Variants in RPTOR observed in about 807,000 individuals in gnomAD.
RPTOR encodes the protein regulatory-associated protein of mTOR.
In RPTOR, 21 loss-of-function variants were observed where a neutral mutation model predicts 169.9. The ratio of observed to expected loss-of-function variants is 0.12; its 90% confidence interval spans 0.09 to 0.18. The LOEUF (loss-of-function observed/expected upper bound fraction) is 0.18, where lower values mean the gene tolerates loss of function less well. Ranked by LOEUF, RPTOR falls within the 10% of genes least tolerant of loss-of-function variation. RPTOR has a pLI of 1.00. For synonymous variants in RPTOR, 732 were observed against 753.2 expected (o/e 0.97, Z 0.46); for missense variants, 1,133 against 1,855.9 (o/e 0.61, Z 7.16).
At chr17:80,941,606 C>G (rs1249802118) in intron 25 of RPTOR, among the ~76,000 whole-genome samples, 1 of 152,256 alleles carries the variant, frequency 6.6e-6, no homozygotes, top group East Asian at 1.9e-4. Context: ...CCAACCAAAT[C>G]AGCACCATCA....
At chr17:80,808,270 T>A (rs1008351392) in intron 7 of RPTOR, among the ~76,000 whole-genome samples, 19 of 151,676 alleles carry the variant, frequency 1.3e-4, no homozygotes, top group African/African-American at 4.6e-4. Context: ...ACAGAAAAAA[T>A]TAAAATCAGC....
intron 7 of RPTOR, among the ~76,000 whole-genome samples, chr17:80,798,838 G>T (rs190607665): frequency 6.6e-6 from 1 of 152,288 alleles, no homozygotes; most frequent in East Asian, 1.9e-4. Flanking sequence ...TGCATTATTG[G>T]CAGAGCTGTC....
Position 80,633,124 on chromosome 17 carries a change from C to T in RPTOR, c.265+7331C>T, listed in dbSNP as rs1375319226. On this transcript the variant is annotated intron_variant, in intron 2 of 33. Transcript: ENST00000306801. This position sits in a 1 kb window ranked among gnomAD's most constrained non-coding sequence, Gnocchi z 4.1. Reference sequence around the variant, plus strand: ...ATTTTTCATTTTGAAAAAAAAGTTCCAAAAGTTGCAAGTATAGTACTAAGC... The same window carrying T: ...ATTTTTCATTTTGAAAAAAAAGTTCTAAAAGTTGCAAGTATAGTACTAAGC... Among the ~76,000 whole-genome samples, 1 of 152,144 alleles carries T rather than the reference C, an allele frequency of 6.6e-6. No homozygotes were observed. Among genetic ancestry groups the T allele is most frequent in the African/African-American group, 2.4e-5 (1 of 41,410 alleles).
At chr17:80,627,164 C>G (rs1197229761) in intron 2 of RPTOR, among the ~76,000 whole-genome samples, 1 of 152,194 alleles carries the variant, frequency 6.6e-6, no homozygotes, top group Non-Finnish European at 1.5e-5. Flanking sequence ...GACTTATAGG[C>G]ACCTGCCACC....
At chr17:80,619,122 T>C (rs568213055) in intron 1 of RPTOR, among the ~76,000 whole-genome samples, 6 of 152,128 alleles carry the variant, frequency 3.9e-5, no homozygotes, top group Non-Finnish European at 8.8e-5. Flanking sequence ...TCCCGGGAAT[T>C]GGGTGGCTCT....
At chr17:80,787,045 C>T (rs570527622) in intron 6 of RPTOR, among the ~76,000 whole-genome samples, 15 of 152,316 alleles carry the variant, frequency 9.8e-5, no homozygotes, top group Admixed American at 5.9e-4. Context: ...CCACGCAGGG[C>T]GCCCTTGATG....
intron 1 of RPTOR, among the ~76,000 whole-genome samples, chr17:80,561,969 C>A (rs2084503850): frequency 6.6e-6 from 1 of 151,978 alleles, no homozygotes; most frequent in Admixed American, 6.6e-5. Context: ...TATGTGTGTA[C>A]ATGTTTATAC....
chr17:80,893,722 C>T lies in RPTOR; in HGVS notation c.2258C>T (p.Ala753Val), dbSNP rs770546124. ...SLTEESGGAV[A>V]FSPGNLSTSS... is the part of the protein sequence containing the mutation. ...TCTCGGGCAGCTGGTGGCGCGGTGG[C>T]GTTCTCCCCCGGAAACCTCAGCACC... is the stretch of plus-strand genomic sequence containing the variant. The change falls in exon 20 of 34, where the codon GCG (alanine) becomes GTG (valine). Residue 753 changes from alanine to valine, a missense_variant. Around this residue, in one of 9 missense-constraint regions of RPTOR, gnomAD observed 150 missense variants for 206.4 expected, o/e 0.73. Transcript: ENST00000306801. 12 of 1,609,228 alleles carry T rather than the reference C, an allele frequency of 7.5e-6. No individual in the cohort carries two copies. The highest frequency in any genetic ancestry group is 9.3e-6 in the Non-Finnish European group (11 of 1,177,668).
At chr17:80,883,667 G>T in intron 15 of RPTOR, 114 bp from the exon 16 acceptor site, 1 of 1,302,490 alleles carries the variant, frequency 7.7e-7, no homozygotes. Flanking sequence ...GGGGAAAATT[G>T]AGCAAATCAA....
Position 80,857,962 on chromosome 17 carries a change from G to C in RPTOR, c.1509+62G>C, listed in dbSNP as rs773345529. 3.8e-6 allele frequency: 5 copies of C among 1,304,802 alleles called. No individual in the cohort carries two copies. In the Admixed American group the frequency reaches 7.0e-5, roughly 18 times the overall value. The allele number at this position is 1,304,802 out of a possible 1,614,324, so 80.8% of individuals were successfully genotyped here. A position where few individuals can be genotyped will look rare whatever the true frequency, so the allele number is the denominator to read the frequency against. On this transcript the variant is annotated intron_variant, in intron 13 of 33. Transcript: ENST00000306801. ...ACCTGCCGGCCCTTCTGGGGATGCC[G>C]AGCCCTGCGTTTCCAGCCTGCCCTT... is the stretch of plus-strand genomic sequence containing the variant.
chr17:80,962,961 C>G lies in RPTOR; in HGVS notation c.3843C>G (p.Asn1281Lys). 4 of 1,613,738 alleles carry G rather than the reference C, an allele frequency of 2.5e-6. No individual in the cohort carries two copies. Among genetic ancestry groups the G allele is most frequent in the Non-Finnish European group, 3.4e-6 (4 of 1,179,962 alleles). Residue 1281 changes from asparagine (N) to lysine (K), a missense_variant, in exon 33 of 34, where the codon AAC becomes AAG. Physicochemically the swap from Asn to Lys is moderately conservative, Grantham distance 94 (BLOSUM62 0). Transcript: ENST00000306801. ...TCAATCAGTTCACCGCCATCTACAA[C>G]AGCAGCGGAGAGCTCATCAACAACA... is the stretch of plus-strand genomic sequence containing the variant. ...GSVNQFTAIY[N>K]SSGELINNIK...
chr17:80,595,625 T>G (rs2065139189), intron 1 of RPTOR, among the ~76,000 whole-genome samples: 2 of 152,182 alleles, frequency 1.3e-5, no homozygotes, highest in Non-Finnish European at 2.9e-5. Context: ...TCTGGCTAGT[T>G]TTTAAAATAT....
chr17:80,836,204 G>A (rs1248804873), intron 9 of RPTOR, among the ~76,000 whole-genome samples: 2 of 152,262 alleles, frequency 1.3e-5, no homozygotes, highest in African/African-American at 4.8e-5. Flanking sequence ...GCCGGAGCTA[G>A]TGGGTAGCAG....
chr17:80,921,348 G>T (rs2068742501), intron 21 of RPTOR, among the ~76,000 whole-genome samples: 1 of 152,164 alleles, frequency 6.6e-6, no homozygotes, highest in Non-Finnish European at 1.5e-5. Context: ...AGATGAGGTT[G>T]CCCCAGCACC....
chr17:80,896,427 GCCA>G, intron 20 of RPTOR, among the ~76,000 whole-genome samples: 1 of 108,510 alleles, frequency 9.2e-6, no homozygotes, highest in Admixed American at 9.3e-5. Flanking sequence ...ACACGGCCTC[GCCA>G]ACACCCCACG....
chr17:80,550,546 T>C (rs1288338817), intron 1 of RPTOR, among the ~76,000 whole-genome samples: 5 of 152,210 alleles, frequency 3.3e-5, no homozygotes, highest in Non-Finnish European at 7.3e-5. Flanking sequence ...AGTTCTGATC[T>C]GGCCTGAAAT....
In RPTOR at chr17:80,707,633, TCTCCCAC is replaced by T. The variant is rs1314016896; in HGVS notation, c.349-205_349-199del. Among the ~76,000 whole-genome samples the T allele has an allele frequency of 6.6e-6, 1 of 151,938 alleles. No homozygotes were observed. Among genetic ancestry groups the T allele is most frequent in the Non-Finnish European group, 1.5e-5 (1 of 67,984 alleles). The stretch of plus-strand genomic sequence containing the variant: ...TCTTGAGCTCCCGGGCTCAACCAGT[TCTCCCAC>T]CTTGGCCTCCTAAGCTGCTGGGATT... On this transcript the variant is annotated intron_variant, in intron 3 of 33. Transcript: ENST00000306801. The surrounding 1 kb of genome is among the most constrained non-coding windows in gnomAD (Gnocchi z 5.0).
At chr17:80,681,355 G>C (rs1031425973) in intron 3 of RPTOR, among the ~76,000 whole-genome samples, 2 of 152,168 alleles carry the variant, frequency 1.3e-5, no homozygotes, top group African/African-American at 2.4e-5. Context: ...AGAAAGTTGC[G>C]GGGCCGCGGC....
At chr17:80,818,131 A>G (rs1183056088) in intron 7 of RPTOR, among the ~76,000 whole-genome samples, 1 of 152,134 alleles carries the variant, frequency 6.6e-6, no homozygotes, top group African/African-American at 2.4e-5. Context: ...CATCTGTTTT[A>G]TTTTAGTCGC....
Sources: gnomAD v4.1 joint callset for allele counts (sites outside exome capture counted in the v4.1 genomes callset) on GRCh38, gnomAD v4.1.1 for gene constraint, gnomAD v4.1.1 regional missense constraint, Gnocchi (gnomAD v3.1) non-coding constraint, MANE v1.5 for transcripts, NCBI Gene and HGNC (gene_info 2026-07-23, HGNC 2026-07-21) for gene names.